Variants in DOCK4 observed in about 807,000 individuals in gnomAD.
DOCK4 encodes dedicator of cytokinesis 4, also known as dedicator of cytokinesis protein 4.
A neutral mutation model predicts 268.1 loss-of-function variants in DOCK4; 97 were observed. The ratio of observed to expected loss-of-function variants is 0.36; its 90% confidence interval spans 0.31 to 0.43. The LOEUF is 0.43. Among genes scored for constraint, DOCK4 ranks in the 20% least tolerant of loss-of-function variants. DOCK4 has a pLI of 1.00. For synonymous variants in DOCK4, 954 were observed against 887.2 expected (o/e 1.08, Z -1.34); for missense variants, 2,145 against 2,455.7 (o/e 0.87, Z 2.67).
intron 30 of DOCK4, among the ~76,000 whole-genome samples, chr7:111,793,796 G>C (rs1799710713): frequency 6.6e-6 from 1 of 152,070 alleles, no homozygotes; most frequent in Non-Finnish European, 1.5e-5. Flanking sequence ...CAGGAGAATC[G>C]CTTGAGCCCA....
At chr7:111,834,508 G>T in intron 26 of DOCK4, 80 bp downstream of exon 26, 2 of 1,100,802 alleles carry the variant, frequency 1.8e-6, no homozygotes, top group Non-Finnish European at 1.3e-6. Context: ...AATTGTCTAG[G>T]ATTTATCTCA....
intron 1 of DOCK4, among the ~76,000 whole-genome samples, chr7:112,037,660 T>C (rs1803934767): frequency 6.6e-6 from 1 of 152,252 alleles, no homozygotes; most frequent in Non-Finnish European, 1.5e-5. Flanking sequence ...ATTACATGAC[T>C]ATACAGTTTC....
intron 1 of DOCK4, among the ~76,000 whole-genome samples, chr7:112,184,793 C>A (rs6973251): frequency 0.027 from 4,074 of 152,186 alleles, 118 homozygotes; most frequent in Admixed American, 0.082. Context: ...ACAATCCCCC[C>A]CCCTTAGAGC....
chr7:112,200,743 A>AAAAAAAC, intron 1 of DOCK4, among the ~76,000 whole-genome samples: 1 of 149,926 alleles, frequency 6.7e-6, no homozygotes, highest in Admixed American at 6.6e-5. Context: ...AAAAAACAAA[A>AAAAAAAC]AAAAACAAGA....
At chr7:112,003,479 A>C (rs981954952) in intron 2 of DOCK4, among the ~76,000 whole-genome samples, 1 of 152,232 alleles carries the variant, frequency 6.6e-6, no homozygotes, top group African/African-American at 2.4e-5. Flanking sequence ...ACAGGAATGG[A>C]AACATTTGAG....
chr7:111,970,775 G>GT (rs1797648706), intron 8 of DOCK4, among the ~76,000 whole-genome samples: 1 of 152,180 alleles, frequency 6.6e-6, no homozygotes, highest in South Asian at 2.1e-4. Flanking sequence ...ACATAAACAA[G>GT]TGAGGAAGGT....
intron 27 of DOCK4, among the ~76,000 whole-genome samples, chr7:111,816,839 G>C (rs1801596169): frequency 6.6e-6 from 1 of 152,048 alleles, no homozygotes; most frequent in African/African-American, 2.4e-5. Flanking sequence ...TAGCTATTTT[G>C]AACAGACTGA....
At chr7:112,168,476 G>C (rs1184475616) in intron 1 of DOCK4, among the ~76,000 whole-genome samples, 1 of 152,214 alleles carries the variant, frequency 6.6e-6, no homozygotes, top group Non-Finnish European at 1.5e-5. Context: ...GGATGCCAAA[G>C]TGGGAGGACT....
intron 27 of DOCK4, among the ~76,000 whole-genome samples, chr7:111,816,560 G>A (rs1334817802): frequency 6.6e-6 from 1 of 152,210 alleles, no homozygotes; most frequent in Non-Finnish European, 1.5e-5. Flanking sequence ...TGATTCTGAT[G>A]CATGTGGTCA....
At chr7:111,986,660 T>G (rs748715441) in intron 6 of DOCK4, among the ~76,000 whole-genome samples, 1 of 152,116 alleles carries the variant, frequency 6.6e-6, no homozygotes, top group African/African-American at 2.4e-5. Flanking sequence ...TCCTCCCACA[T>G]AGTATTAGCA....
chr7:111,780,251 C>T (rs1258799879), intron 35 of DOCK4, among the ~76,000 whole-genome samples: 3 of 151,896 alleles, frequency 2.0e-5, no homozygotes, highest in African/African-American at 7.3e-5. Flanking sequence ...AAGTCAAATG[C>T]ATCATAAATT....
At chr7:112,180,340 G>C (rs769126346) in intron 1 of DOCK4, among the ~76,000 whole-genome samples, 1 of 152,094 alleles carries the variant, frequency 6.6e-6, no homozygotes. Context: ...GAAGCACAGT[G>C]CTCCTTTACA....
intron 1 of DOCK4, among the ~76,000 whole-genome samples, chr7:112,094,408 T>G (rs1336570554): frequency 6.6e-6 from 1 of 152,184 alleles, no homozygotes; most frequent in African/African-American, 2.4e-5. Context: ...TCAAAACATC[T>G]TCCAAAAATT....
intron 1 of DOCK4, among the ~76,000 whole-genome samples, chr7:112,061,505 T>C (rs1347809421): frequency 6.6e-6 from 1 of 152,136 alleles, no homozygotes; most frequent in Non-Finnish European, 1.5e-5. Flanking sequence ...TTGGGCCTGC[T>C]ACACATGTCT....
At chr7:111,789,942 C>T (rs1441577849) in intron 31 of DOCK4, among the ~76,000 whole-genome samples, 1 of 152,150 alleles carries the variant, frequency 6.6e-6, no homozygotes, top group Non-Finnish European at 1.5e-5. Flanking sequence ...CTATTAGAAC[C>T]TATGTCAATG....
Position 111,868,049 on chromosome 7 carries a change from G to A in DOCK4, c.2215C>T (p.Leu739Phe), listed in dbSNP as rs1586218035. The A allele has an allele frequency of 6.2e-7, 1 of 1,613,448 alleles. No homozygotes were observed. The highest frequency in any genetic ancestry group is 8.5e-7 in the Non-Finnish European group (1 of 1,179,632). The change falls in exon 22 of 53, where the codon CTC becomes TTC. Residue 739 changes from leucine to phenylalanine, a missense_variant. Leu to Phe is a conservative substitution (Grantham distance 22). Coordinates refer to ENST00000428084, the MANE Select transcript of DOCK4 (RefSeq NM_001363540.2). ...EEFRCCIQELLMSVRFFLSQE... is the reference protein window; with the variant it reads ...EEFRCCIQELFMSVRFFLSQE... ...GAAAGAAAGAAACGGACTGACATGAGAAGCTCCTGAATGCAGCAGCGGAAC... is the reference window on the plus strand; with the variant it reads ...GAAAGAAAGAAACGGACTGACATGAAAAGCTCCTGAATGCAGCAGCGGAAC...
intron 1 of DOCK4, among the ~76,000 whole-genome samples, chr7:112,015,545 C>A (rs1453580821): frequency 6.6e-6 from 1 of 152,150 alleles, no homozygotes; most frequent in Non-Finnish European, 1.5e-5. Context: ...AGAACCCTCT[C>A]TTGGGGTCTG....
At chr7:112,025,904 C>T (rs1802745742) in intron 1 of DOCK4, among the ~76,000 whole-genome samples, 2 of 152,184 alleles carry the variant, frequency 1.3e-5, no homozygotes, top group African/African-American at 2.4e-5. Context: ...TCCCTGGCTA[C>T]TCCTACACAA....
chr7:112,149,739 G>C (rs538353852), intron 1 of DOCK4, among the ~76,000 whole-genome samples: 2 of 152,152 alleles, frequency 1.3e-5, no homozygotes, highest in South Asian at 4.1e-4. Flanking sequence ...CTGGAAAACG[G>C]ATGAAAAATA....
Sources: allele counts gnomAD v4.1 joint callset (sites outside exome capture counted in the v4.1 genomes callset), GRCh38; gene constraint gnomAD v4.1.1; transcripts MANE v1.5; gene names NCBI Gene and HGNC (gene_info 2026-07-23, HGNC 2026-07-21).